The following C10orf71 variants were observed in gnomAD, a reference collection of about 807,000 sequenced individuals.
C10orf71 encodes cardiac-enriched FHL2-interacting protein.
For missense variants in C10orf71, 1,869 were observed against 1,804.5 expected (o/e 1.04, Z -0.65); for synonymous variants, 758 against 726.3 (o/e 1.04, Z -0.70).
intron 1 of C10orf71, among the ~76,000 whole-genome samples, chr10:49,311,896 G>A (rs1416027128): frequency 6.6e-6 from 1 of 152,194 alleles, no homozygotes; most frequent in African/African-American, 2.4e-5. Flanking sequence ...AAAGGATTAG[G>A]AGGGGGAGAG....
At chr10:49,299,658 G>T (rs1848691348) in intron 1 of C10orf71, among the ~76,000 whole-genome samples, 1 of 152,184 alleles carries the variant, frequency 6.6e-6, no homozygotes, top group South Asian at 2.1e-4. Flanking sequence ...CGGGGACCAC[G>T]TACCCGGAAC....
chr10:49,327,229 T>G lies in C10orf71; in HGVS notation c.*376T>G, dbSNP rs144774189. 8.4e-4 allele frequency: 339 copies of G among 401,608 alleles called. No homozygotes were observed. Among genetic ancestry groups the G allele is most frequent in the African/African-American group, 6.3e-3 (300 of 47,674 alleles). The allele number at this position is 401,608 out of a possible 1,614,324, so 24.9% of individuals were successfully genotyped here. A position where few individuals can be genotyped will look rare whatever the true frequency, so the allele number is the denominator to read the frequency against. On this transcript the variant is annotated 3_prime_UTR_variant, in exon 3 of 3. Coordinates refer to ENST00000374144, the MANE Select transcript of C10orf71 (RefSeq NM_001135196.2). The stretch of plus-strand genomic sequence containing the variant: ...GGCAAGGGCACCGCCTGGTCCCAAG[T>G]GTCCCTCTGTACCCACACCCACCCA...
rs201253929 is a variant in C10orf71 at position 49,323,315 on chromosome 10, C to G, written c.770C>G (p.Pro257Arg). Residue 257 changes from proline to arginine, a missense_variant, in exon 3 of 3, where the codon CCA becomes CGA. By Grantham distance (103) the Pro-to-Arg change is moderately radical. Transcript: ENST00000374144. ...ESKFPSPHHKPVTGEPGRGKG... is the reference protein window; with the variant it reads ...ESKFPSPHHKRVTGEPGRGKG... The stretch of plus-strand genomic sequence containing the variant: ...AAGTTCCCCTCTCCACACCACAAGC[C>G]AGTCACGGGTGAGCCTGGGAGAGGC... The G allele has an allele frequency of 6.2e-7, 1 of 1,613,922 alleles. No individual in the cohort carries two copies. The highest frequency in any genetic ancestry group is 8.5e-7 in the Non-Finnish European group (1 of 1,179,846).
Position 49,322,436 on chromosome 10 carries a change from T to G in C10orf71, c.-110T>G, listed in dbSNP as rs774008537. On this transcript the variant is annotated 5_prime_UTR_variant, in exon 3 of 3. Coordinates refer to ENST00000374144, the MANE Select transcript of C10orf71 (RefSeq NM_001135196.2). ...AAAATCCCCACTTTGCAATTGCATCTGGTCAATGAGAGGCTCTAGTTTTGG... is the reference window on the plus strand; with the variant it reads ...AAAATCCCCACTTTGCAATTGCATCGGGTCAATGAGAGGCTCTAGTTTTGG... 1 of 1,338,306 alleles carries G rather than the reference T, an allele frequency of 7.5e-7. No individual in the cohort carries two copies. Among genetic ancestry groups the G allele is most frequent in the African/African-American group, 1.5e-5 (1 of 67,486 alleles). 82.9% of individuals were successfully genotyped at this position (1,338,306 alleles called of 1,614,324 possible). A position where few individuals can be genotyped will look rare whatever the true frequency, so the allele number is the denominator to read the frequency against.
At chr10:49,312,272 C>T (rs948749884) in intron 1 of C10orf71, among the ~76,000 whole-genome samples, 4 of 152,168 alleles carry the variant, frequency 2.6e-5, no homozygotes, top group African/African-American at 9.7e-5. Context: ...AATGGAGAGT[C>T]CATTTTTAAA....
chr10:49,305,776 G>A (rs939753777), intron 1 of C10orf71, among the ~76,000 whole-genome samples: 5 of 152,190 alleles, frequency 3.3e-5, no homozygotes, highest in African/African-American at 9.7e-5. Context: ...TACCAGAAAC[G>A]GGGCACCCGT....
At chr10:49,319,224 G>A (rs1235382366) in intron 2 of C10orf71, among the ~76,000 whole-genome samples, 1 of 152,160 alleles carries the variant, frequency 6.6e-6, no homozygotes, top group East Asian at 1.9e-4. Context: ...TCTAGGCAAT[G>A]GGAGGTATGT....
rs1468921280 is a variant in C10orf71 at position 49,322,057 on chromosome 10, G to C, written c.-144-345G>C. Among the ~76,000 whole-genome samples, 3 of 152,128 alleles carry C rather than the reference G, an allele frequency of 2.0e-5. No homozygotes were observed. In the East Asian group the frequency reaches 5.8e-4, roughly 29 times the overall value. The stretch of plus-strand genomic sequence containing the variant: ...TTTTTGTGATTGTTTCCCTTGCTGT[G>C]CAGAAGCTTTTGAATTGATGTAATC... On this transcript the variant is annotated intron_variant, in intron 2 of 2. Transcript: ENST00000374144.
At chr10:49,312,120 A>C (rs1848925486) in intron 1 of C10orf71, among the ~76,000 whole-genome samples, 1 of 152,236 alleles carries the variant, frequency 6.6e-6, no homozygotes, top group Non-Finnish European at 1.5e-5. Context: ...TGATTCAAAA[A>C]GATGACCCTA....
chr10:49,323,715 G>C lies in C10orf71; in HGVS notation c.1170G>C (p.Gly390=). ...PWRKPKTGKK[G]KESLQDTLEE... is the part of the protein sequence containing the mutation. ...GGAAGCCAAAGACTGGCAAAAAAGG[G>C]AAAGAAAGTCTACAAGATACTTTAG... The change falls in exon 3 of 3, where the codon GGG becomes GGC. Residue 390 remains glycine, a synonymous_variant. Transcript: ENST00000374144. 5 of 1,613,954 alleles carry C rather than the reference G, an allele frequency of 3.1e-6. No individual in the cohort carries two copies. Among genetic ancestry groups the C allele is most frequent in the African/African-American group, 1.3e-5 (1 of 75,026 alleles).
Position 49,326,807 on chromosome 10 carries a change from T to C in C10orf71, c.4262T>C (p.Ile1421Thr). The change falls in exon 3 of 3, where the codon ATC (isoleucine) becomes ACC (threonine). Residue 1421 changes from isoleucine to threonine, a missense_variant. By Grantham distance (89) the Ile-to-Thr change is moderately conservative. Transcript: ENST00000374144. ...GTAGAAGCTCCAGGCCTGGGCATCA[T>C]CTCCACTGATGACCTAGAGGACTTT... ...EGVEAPGLGIISTDDLEDFAT... is the reference protein window; with the variant it reads ...EGVEAPGLGITSTDDLEDFAT... 2 of 1,549,390 alleles carry C rather than the reference T, an allele frequency of 1.3e-6. No individual in the cohort carries two copies. Among genetic ancestry groups the C allele is most frequent in the South Asian group, 1.2e-5 (1 of 84,042 alleles).
chr10:49,320,708 A>G (rs983194112), intron 2 of C10orf71, among the ~76,000 whole-genome samples: 1 of 152,196 alleles, frequency 6.6e-6, no homozygotes, highest in African/African-American at 2.4e-5. Flanking sequence ...CAGAACCAAT[A>G]GGATATGTGG....
intron 1 of C10orf71, among the ~76,000 whole-genome samples, chr10:49,306,209 T>C (rs1012955171): frequency 2.6e-5 from 4 of 152,270 alleles, no homozygotes; most frequent in South Asian, 2.1e-4. Flanking sequence ...CAGGACCTGG[T>C]GGTTTGGCTG....
At chr10:49,299,280 T>C (rs1027150570) in intron 1 of C10orf71, 47 bp downstream of exon 1, 1 of 152,258 alleles carries the variant, frequency 6.6e-6, no homozygotes, top group Non-Finnish European at 1.5e-5. Flanking sequence ...TGGTCACTGA[T>C]CTTCCTCAGG....
In C10orf71 at chr10:49,323,228, C is replaced by T. The variant is rs376805154; in HGVS notation, c.683C>T (p.Ala228Val). 4.0e-5 allele frequency: 65 copies of T among 1,613,828 alleles called. No homozygotes were observed. The highest frequency in any genetic ancestry group is 5.3e-5 in the Non-Finnish European group (63 of 1,179,892). ...GAGTCCTCCAAGAATCCAGAAATGG[C>T]CTGTCACGGCTCCAGCAGCTTCCTC... Reference protein sequence around the residue: ...EQESSKNPEMACHGSSSFLPA... With the variant: ...EQESSKNPEMVCHGSSSFLPA... The change falls in exon 3 of 3, where the codon GCC becomes GTC. Residue 228 changes from alanine to valine, a missense_variant. Transcript: ENST00000374144.
At chr10:49,307,781 G>A (rs1208568386) in intron 1 of C10orf71, among the ~76,000 whole-genome samples, 1 of 152,220 alleles carries the variant, frequency 6.6e-6, no homozygotes, top group East Asian at 1.9e-4. Flanking sequence ...GGAACCAGGA[G>A]GGGACAGGTT....
In C10orf71 at chr10:49,322,581, C is replaced by T; in HGVS notation, c.36C>T (p.Phe12=). ...MQGNKKCTDA[F]SDSSSIGSVL... ...GAAATAAGAAGTGCACAGACGCGTT[C>T]AGCGACTCCTCCAGCATCGGCAGCG... The change falls in exon 3 of 3, where the codon TTC becomes TTT. Residue 12 remains phenylalanine (F), a synonymous_variant. Transcript: ENST00000374144. The T allele has an allele frequency of 6.2e-7, 1 of 1,612,140 alleles. No homozygotes were observed.
At position 49,323,383 on chromosome 10, in the gene C10orf71, T is replaced by G; in HGVS notation, c.838T>G (p.Trp280Gly). The G allele has an allele frequency of 1.9e-6, 3 of 1,613,918 alleles. No homozygotes were observed. The highest frequency in any genetic ancestry group is 2.5e-6 in the Non-Finnish European group (3 of 1,179,854). ...LHSENSAFES[W>G]NAHQPKLLER... is the part of the protein sequence containing the mutation. ...CAGTGAAAATAGTGCTTTTGAGTCATGGAATGCCCACCAACCAAAGCTGCT... is the reference window on the plus strand; with the variant it reads ...CAGTGAAAATAGTGCTTTTGAGTCAGGGAATGCCCACCAACCAAAGCTGCT... Residue 280 changes from tryptophan (W) to glycine (G), a missense_variant, in exon 3 of 3, where the codon TGG (tryptophan) becomes GGG (glycine). Trp to Gly is a radical substitution (Grantham distance 184, BLOSUM62 -2). Coordinates refer to ENST00000374144, the MANE Select transcript of C10orf71 (RefSeq NM_001135196.2).
chr10:49,318,320 G>A (rs978734102), intron 2 of C10orf71, among the ~76,000 whole-genome samples: 1 of 152,214 alleles, frequency 6.6e-6, no homozygotes, highest in Non-Finnish European at 1.5e-5. Flanking sequence ...TCTTCTACTG[G>A]GGAAGGCGTG....
Sources: allele counts gnomAD v4.1 joint callset (sites outside exome capture counted in the v4.1 genomes callset), GRCh38; gene constraint gnomAD v4.1.1; transcripts MANE v1.5; gene names NCBI Gene and HGNC (gene_info 2026-07-23, HGNC 2026-07-21).